Variants in CDH18 observed in about 807,000 individuals in gnomAD.
The protein encoded by CDH18 is cadherin 18, also known as cadherin-18.
In CDH18, 31 loss-of-function variants were observed where a neutral mutation model predicts 67.9. That is an observed-to-expected ratio of 0.46 (90% CI 0.34 to 0.62). The LOEUF is 0.62. CDH18 is among the 20% of genes least tolerant of loss of function. The pLI is 0.01. For missense variants in CDH18, 890 were observed against 975.5 expected (o/e 0.91, Z 1.17); for synonymous variants, 362 against 347.2 (o/e 1.04, Z -0.48).
intron 8 of CDH18, among the ~76,000 whole-genome samples, chr5:19,567,848 G>C (rs577048556): frequency 6.6e-6 from 1 of 152,054 alleles, no homozygotes; most frequent in African/African-American, 2.4e-5. Context: ...AACCAGGAGA[G>C]TGCATGTTTC....
intron 5 of CDH18, among the ~76,000 whole-genome samples, chr5:19,615,813 A>C (rs1365624725): frequency 2.6e-5 from 4 of 152,040 alleles, no homozygotes; most frequent in Non-Finnish European, 4.4e-5. Context: ...GATTTCTTTT[A>C]CTTAGTCATA....
chr5:20,216,960 G>A (rs774532396), intron 2 of CDH18, among the ~76,000 whole-genome samples: 1 of 151,646 alleles, frequency 6.6e-6, no homozygotes, highest in Non-Finnish European at 1.5e-5. Flanking sequence ...AACCTTATTA[G>A]CCAGAAAAAA....
Position 19,643,594 on chromosome 5 carries a change from A to G in CDH18, c.644-30993T>C, listed in dbSNP as rs559976382. Among the ~76,000 whole-genome samples the G allele has an allele frequency of 3.9e-5, 6 of 152,288 alleles. No individual in the cohort carries two copies. In the South Asian group the frequency reaches 1.0e-3, roughly 26 times the overall value. Reference sequence around the variant, plus strand: ...CTAGATGCAGAAAGACAAGTACTGCATAATTCCACATACATGTGGAATCTA... The same window carrying G: ...CTAGATGCAGAAAGACAAGTACTGCGTAATTCCACATACATGTGGAATCTA... On this transcript the variant is annotated intron_variant, in intron 5 of 12. Transcript: ENST00000382275.
chr5:19,636,046 A>G (rs1236187346), intron 5 of CDH18, among the ~76,000 whole-genome samples: 3 of 152,140 alleles, frequency 2.0e-5, no homozygotes, highest in Non-Finnish European at 4.4e-5. Flanking sequence ...TTGCTGAAAT[A>G]GACTTGGCTC....
At chr5:20,225,073 T>C (rs1741505778) in intron 2 of CDH18, among the ~76,000 whole-genome samples, 2 of 152,234 alleles carry the variant, frequency 1.3e-5, no homozygotes, top group African/African-American at 4.8e-5. Context: ...TCTTCTGCTG[T>C]TTGGATAGCT....
chr5:19,631,657 GATA>G (rs1752434842), intron 5 of CDH18, among the ~76,000 whole-genome samples: 1 of 123,254 alleles, frequency 8.1e-6, no homozygotes, highest in African/African-American at 3.0e-5. Context: ...TTAAAGACAA[GATA>G]ATAATGTAAT....
rs1421800457 is a variant in CDH18, at chr5:19,926,064, T to C, written c.-257+54996A>G. ...AACTTTAAAAATATTTTTACGGTACTTCTAAGCTACGTGGTTCACCTGCAA... is the reference window on the plus strand; with the variant it reads ...AACTTTAAAAATATTTTTACGGTACCTCTAAGCTACGTGGTTCACCTGCAA... On this transcript the variant is annotated intron_variant, in intron 2 of 12. Coordinates refer to ENST00000382275, the MANE Select transcript of CDH18 (RefSeq NM_004934.5). 2.0e-5 allele frequency among the ~76,000 whole-genome samples: 3 copies of C among 152,190 alleles called. No individual in the cohort carries two copies. The East Asian group carries it at 5.8e-4, about 29-fold the overall frequency.
chr5:19,563,937 T>C (rs1347995203), intron 8 of CDH18, among the ~76,000 whole-genome samples: 1 of 152,162 alleles, frequency 6.6e-6, no homozygotes, highest in Non-Finnish European at 1.5e-5. Flanking sequence ...ACAATGATTA[T>C]GAGACTTTGC....
intron 4 of CDH18, among the ~76,000 whole-genome samples, chr5:19,722,587 T>A (rs1766253367): frequency 1.3e-5 from 2 of 151,396 alleles, no homozygotes; most frequent in African/African-American, 4.9e-5. Flanking sequence ...TGTTTCTAAA[T>A]GAAAACTTAA....
chr5:20,176,270 T>C (rs1333799422), intron 2 of CDH18, among the ~76,000 whole-genome samples: 1 of 152,186 alleles, frequency 6.6e-6, no homozygotes, highest in Non-Finnish European at 1.5e-5. Context: ...GTACCTGCAA[T>C]AAGGAATGTT....
At chr5:20,366,393 T>C (rs759300759) in intron 1 of CDH18, among the ~76,000 whole-genome samples, 28 of 152,230 alleles carry the variant, frequency 1.8e-4, no homozygotes, top group Non-Finnish European at 4.0e-4. Flanking sequence ...TCCAATGACA[T>C]GTCCTTTTCT....
At chr5:19,499,755 A>G (rs1322735685) in intron 11 of CDH18, among the ~76,000 whole-genome samples, 1 of 151,930 alleles carries the variant, frequency 6.6e-6, no homozygotes, top group Non-Finnish European at 1.5e-5. Context: ...CTATCTTTTA[A>G]ATTTTTGGTT....
intron 2 of CDH18, among the ~76,000 whole-genome samples, chr5:19,942,187 T>C (rs756580057): frequency 3.3e-5 from 5 of 152,130 alleles, no homozygotes; most frequent in Non-Finnish European, 5.9e-5. Context: ...CCAACTAGTA[T>C]TGAAATATCA....
intron 1 of CDH18, chr5:20,305,481 C>T (rs1327189481): frequency 1.6e-6 from 2 of 1,246,262 alleles, no homozygotes; most frequent in Admixed American, 1.7e-5. Context: ...CGCCGCTGCA[C>T]TCGCTGGGTC....
rs971462661 is a variant in CDH18, at chr5:19,798,789, G to T, written c.228+39970C>A. The stretch of plus-strand genomic sequence containing the variant: ...CAAATATTGATTAAAATATATTACT[G>T]GATTTTTAGGTAAATAGATTATAAA... On this transcript the variant is annotated intron_variant, in intron 3 of 12. Transcript: ENST00000382275. 6.6e-5 allele frequency among the ~76,000 whole-genome samples: 10 copies of T among 151,726 alleles called. 1 individual carries two copies. Among genetic ancestry groups the T allele is most frequent in the Non-Finnish European group, 1.3e-4 (9 of 67,888 alleles).
intron 3 of CDH18, among the ~76,000 whole-genome samples, chr5:19,810,363 G>A (rs1398964225): frequency 6.6e-6 from 1 of 151,700 alleles, no homozygotes; most frequent in Admixed American, 6.6e-5. Flanking sequence ...AATAAAATAG[G>A]AGAAAATAAG....
At chr5:20,194,072 A>G (rs1561866480) in intron 2 of CDH18, among the ~76,000 whole-genome samples, 5 of 152,082 alleles carry the variant, frequency 3.3e-5, no homozygotes, top group African/African-American at 4.8e-5. Context: ...CACCACTACT[A>G]TTCAACTTTT....
At chr5:20,295,893 C>T (rs774478634) in intron 1 of CDH18, among the ~76,000 whole-genome samples, 2 of 105,944 alleles carry the variant, frequency 1.9e-5, no homozygotes, top group African/African-American at 3.7e-5. Context: ...TTTTTTGAGA[C>T]GGAGTCTCAC....
intron 7 of CDH18, among the ~76,000 whole-genome samples, chr5:19,583,151 G>GA (rs1487726553): frequency 6.6e-6 from 1 of 151,854 alleles, no homozygotes; most frequent in Non-Finnish European, 1.5e-5. Context: ...TATAGGCAGG[G>GA]ATACACTTGT....
Sources: gnomAD v4.1 joint callset for allele counts (sites outside exome capture counted in the v4.1 genomes callset) on GRCh38, gnomAD v4.1.1 for gene constraint, MANE v1.5 for transcripts, NCBI Gene and HGNC (gene_info 2026-07-23, HGNC 2026-07-21) for gene names.